Variants in COA1 observed in about 807,000 individuals in gnomAD.
The protein encoded by COA1 is cytochrome c oxidase assembly factor 1 homolog.
COA1 carries 13 observed loss-of-function variants against 16.0 expected under a neutral mutation model. The observed-to-expected ratio is 0.81, with a 90% CI of 0.53 to 1.29. COA1 has a LOEUF of 1.29. COA1 is among the 50% of genes most tolerant of loss of function. The pLI is 0.00. For synonymous variants in COA1, 65 were observed against 65.7 expected, an observed-to-expected ratio of 0.99 and a Z score of 0.05; for missense variants, 179 against 177.0, an observed-to-expected ratio of 1.01 and a Z score of -0.06.
At chr7:43,671,176 A>G (rs1420128976) in intron 1 of COA1, among the ~76,000 whole-genome samples, 1 of 152,120 alleles carries the variant, frequency 6.6e-6, no homozygotes, top group African/African-American at 2.4e-5. Context: ...AAATTCTAAA[A>G]CTCCTAGAAG....
chr7:43,645,508 GA>G, intron 3 of COA1, 109 bp from the exon 4 acceptor site: 1 of 963,424 alleles, frequency 1.0e-6, no homozygotes, highest in South Asian at 1.5e-5. Flanking sequence ...ACAGAAACGT[GA>G]AATCTGTGGA....
At chr7:43,726,922 C>T (rs139376977) in intron 1 of COA1, among the ~76,000 whole-genome samples, 42 of 152,226 alleles carry the variant, frequency 2.8e-4, no homozygotes, top group African/African-American at 9.9e-4. Flanking sequence ...GCAATAAGCA[C>T]TTGAAAAGAT....
intron 1 of COA1, among the ~76,000 whole-genome samples, chr7:43,696,694 TAC>T (rs2094538245): frequency 6.8e-6 from 1 of 147,552 alleles, no homozygotes; most frequent in South Asian, 2.1e-4. Context: ...TGTTGATATA[TAC>T]ATATGTGTGT....
chr7:43,624,387 C>T (rs897096409), intron 6 of COA1: 1 of 848,646 alleles, frequency 1.2e-6, no homozygotes, highest in Admixed American at 3.3e-5. Flanking sequence ...TAGTTTTATT[C>T]AGGAATCACA....
At chr7:43,634,610 C>T (rs1255481808), downstream of COA1, among the ~76,000 whole-genome samples, 1 of 152,198 alleles carries the variant, frequency 6.6e-6, no homozygotes, top group Non-Finnish European at 1.5e-5. Context: ...CTAGCTCTGA[C>T]ACTGCTCCAG....
chr7:43,691,327 A>AAGAAAGAAAGAAAGAAAGAG (rs1554542189), intron 1 of COA1, among the ~76,000 whole-genome samples: 1 of 90,482 alleles, frequency 1.1e-5, no homozygotes, highest in African/African-American at 4.1e-5. Context: ...GAAAGAAAGA[A>AAGAAAGAAAGAAAGAAAGAG]AGAGAAAGAG....
At chr7:43,705,786 G>T (rs1038038099) in intron 1 of COA1, among the ~76,000 whole-genome samples, 8 of 152,168 alleles carry the variant, frequency 5.3e-5, no homozygotes, top group Admixed American at 2.6e-4. Flanking sequence ...AGAATCATGG[G>T]GTCTCCCACA....
intron 1 of COA1, among the ~76,000 whole-genome samples, chr7:43,718,696 T>G (rs1348284570): frequency 2.6e-5 from 4 of 152,178 alleles, no homozygotes; most frequent in African/African-American, 9.7e-5. Context: ...TTCATGTCTT[T>G]TGCACCTCAA....
At chr7:43,665,415 T>C (rs1207323180) in intron 1 of COA1, among the ~76,000 whole-genome samples, 2 of 152,208 alleles carry the variant, frequency 1.3e-5, no homozygotes, top group African/African-American at 4.8e-5. Flanking sequence ...GAAAATACAA[T>C]GGCTTCTTCT....
chr7:43,706,174 G>GA lies in COA1; in HGVS notation c.-39+23254dup, dbSNP rs375027709. Reference sequence around the variant, plus strand: ...AAAGTTTTCATCTCCTACACTACTGGAAAAAAAAAATCTCTTTTACACAAA... The same window carrying GA: ...AAAGTTTTCATCTCCTACACTACTGGAAAAAAAAAAATCTCTTTTACACAAA... On this transcript the variant is annotated intron_variant, in intron 1 of 5. Transcript: ENST00000223336. Among the ~76,000 whole-genome samples the GA allele has an allele frequency of 2.4e-3, 363 of 150,020 alleles. 3 individuals are homozygous for GA. Among genetic ancestry groups the GA allele is most frequent in the African/African-American group, 8.2e-3 (335 of 40,958 alleles).
rs534737212 is a variant in COA1 at position 43,645,701 on chromosome 7, G to T, written c.116-302C>A. On this transcript the variant is annotated intron_variant, in intron 3 of 5. Coordinates refer to ENST00000223336, the MANE Select transcript of COA1 (RefSeq NM_018224.4). ...ATTGCCTTATTTTGACACCTAAGAG[G>T]TTTGGTCAGCTCTTCTCTAAGTTTC... 135 of 247,902 alleles carry T rather than the reference G, an allele frequency of 5.4e-4. 2 individuals carry two copies. In the South Asian group the frequency reaches 6.4e-3, roughly 12 times the overall value. The allele number at this position is 247,902 out of a possible 1,614,324, so 15.4% of individuals were successfully genotyped here.
At chr7:43,664,245 G>A (rs2092725324) in intron 1 of COA1, among the ~76,000 whole-genome samples, 1 of 151,958 alleles carries the variant, frequency 6.6e-6, no homozygotes, top group Non-Finnish European at 1.5e-5. Flanking sequence ...TCTTCCAAGT[G>A]GCTGGGATTA....
At chr7:43,663,647 C>T (rs1309855830) in intron 1 of COA1, among the ~76,000 whole-genome samples, 12 of 118,560 alleles carry the variant, frequency 1.0e-4, no homozygotes, top group Admixed American at 2.1e-4. Context: ...CCAGCCTCTG[C>T]GACATAAAGA....
chr7:43,622,107 A>C (rs2083956302), intron 6 of COA1, among the ~76,000 whole-genome samples: 1 of 152,184 alleles, frequency 6.6e-6, no homozygotes, highest in Non-Finnish European at 1.5e-5. Flanking sequence ...AGCACATAAT[A>C]AGCACTCAAA....
intron 3 of COA1, 165 bp downstream of exon 3, chr7:43,647,370 A>G: frequency 1.6e-6 from 1 of 620,338 alleles, no homozygotes. Context: ...CTGAGATTAC[A>G]GGATACAGAG....
chr7:43,676,396 G>C lies in COA1; in HGVS notation c.-38-27744C>G. Among the ~76,000 whole-genome samples, 4 of 152,032 alleles carry C rather than the reference G, an allele frequency of 2.6e-5. 1 individual carries two copies. Among genetic ancestry groups the C allele is most frequent in the Admixed American group, 2.6e-4 (4 of 15,278 alleles). On this transcript the variant is annotated intron_variant, in intron 1 of 5. Coordinates refer to ENST00000223336, the MANE Select transcript of COA1 (RefSeq NM_018224.4). ...GGTAAAGAAAATGTGGTATATATAC[G>C]CAATAGAATACTATTCAGCCACAAA...
At chr7:43,711,840 G>C (rs2095258519) in intron 1 of COA1, among the ~76,000 whole-genome samples, 1 of 152,216 alleles carries the variant, frequency 6.6e-6, no homozygotes. Flanking sequence ...TATGGAACCA[G>C]TGTCATCTAT....
intron 1 of COA1, among the ~76,000 whole-genome samples, chr7:43,697,953 C>T (rs554652097): frequency 6.6e-6 from 1 of 152,294 alleles, no homozygotes; most frequent in South Asian, 2.1e-4. Flanking sequence ...AGGTAGATAG[C>T]AGCTCTTTCA....
intron 1 of COA1, among the ~76,000 whole-genome samples, chr7:43,720,394 A>C (rs1208497105): frequency 6.6e-6 from 1 of 152,090 alleles, no homozygotes; most frequent in African/African-American, 2.4e-5. Context: ...TCTAAGTATG[A>C]TGGACTAGAA....
Sources: allele counts gnomAD v4.1 joint callset (sites outside exome capture counted in the v4.1 genomes callset), GRCh38; gene constraint gnomAD v4.1.1; transcripts MANE v1.5; gene names NCBI Gene and HGNC (gene_info 2026-07-23, HGNC 2026-07-21).